The following PDLIM5 variants were observed in gnomAD, a reference collection of about 807,000 sequenced individuals.
PDLIM5 encodes the protein PDZ and LIM domain protein 5.
A neutral mutation model predicts 64.2 loss-of-function variants in PDLIM5; 34 were observed. The observed-to-expected ratio is 0.53, with a 90% confidence interval of 0.40 to 0.71. The LOEUF is 0.71. PDLIM5 is among the 30% of genes least tolerant of loss of function. PDLIM5 has a pLI of 0.00. For synonymous variants in PDLIM5, 253 were observed against 269.1 expected (o/e 0.94, Z 0.59); for missense variants, 683 against 733.6 (o/e 0.93, Z 0.80).
intron 1 of PDLIM5, among the ~76,000 whole-genome samples, chr4:94,452,852 C>A (rs1178799838): frequency 6.6e-6 from 1 of 152,198 alleles, no homozygotes; most frequent in African/African-American, 2.4e-5. Flanking sequence ...ATTTGGCCAA[C>A]AAGGCTAGGC....
chr4:94,544,855 C>A (rs1022584611), intron 3 of PDLIM5, among the ~76,000 whole-genome samples: 57 of 152,140 alleles, frequency 3.7e-4, no homozygotes, highest in African/African-American at 1.4e-3. Context: ...GCTTAGGTAA[C>A]CTCTGTTTTG....
chr4:94,633,859 T>C (rs1291056506), intron 8 of PDLIM5, among the ~76,000 whole-genome samples: 1 of 152,168 alleles, frequency 6.6e-6, no homozygotes, highest in Non-Finnish European at 1.5e-5. Flanking sequence ...CCAGGAAAGC[T>C]ACATTGATAA....
chr4:94,514,779 C>T (rs1190905892), intron 2 of PDLIM5, among the ~76,000 whole-genome samples: 1 of 152,042 alleles, frequency 6.6e-6, no homozygotes, highest in Non-Finnish European at 1.5e-5. Context: ...TTATATGTGT[C>T]TAGGAATTTG....
intron 3 of PDLIM5, among the ~76,000 whole-genome samples, chr4:94,525,283 G>C (rs1233968930): frequency 2.0e-5 from 3 of 152,078 alleles, no homozygotes; most frequent in Admixed American, 1.3e-4. Flanking sequence ...GATGGGTGTG[G>C]TGGTGCATGC....
chr4:94,473,920 A>T (rs1223922965), intron 2 of PDLIM5, among the ~76,000 whole-genome samples: 2 of 152,176 alleles, frequency 1.3e-5, no homozygotes, highest in Admixed American at 6.5e-5. Flanking sequence ...ATTTTTATGG[A>T]GTGGTGACTA....
intron 3 of PDLIM5, among the ~76,000 whole-genome samples, chr4:94,565,328 T>G (rs754672640): frequency 7.2e-5 from 11 of 152,202 alleles, no homozygotes; most frequent in Non-Finnish European, 1.5e-4. Flanking sequence ...AGTGATTAGG[T>G]ATATATGCAG....
At chr4:94,485,085 G>C (rs1197543044) in intron 2 of PDLIM5, among the ~76,000 whole-genome samples, 1 of 152,124 alleles carries the variant, frequency 6.6e-6, no homozygotes, top group Non-Finnish European at 1.5e-5. Context: ...GAGGTGTTGG[G>C]AAGGAAAGGA....
chr4:94,574,598 CT>C lies in PDLIM5; in HGVS notation c.292-1014del, dbSNP rs375789356. On this transcript the variant is annotated intron_variant, in intron 4 of 12. Coordinates refer to ENST00000317968, the MANE Select transcript of PDLIM5 (RefSeq NM_006457.5). ...TGATTTTTCAAAAATTTGATTTTTT[CT>C]TTTGATATGGTAGGGTGGAATAGGG... 4.8e-3 allele frequency among the ~76,000 whole-genome samples: 722 copies of C among 149,902 alleles called. 10 individuals are homozygous for C. The highest frequency in any genetic ancestry group is 0.017 in the African/African-American group (695 of 40,886).
chr4:94,533,420 A>C (rs1396218532), intron 3 of PDLIM5, among the ~76,000 whole-genome samples: 1 of 152,228 alleles, frequency 6.6e-6, no homozygotes, highest in African/African-American at 2.4e-5. Context: ...TTAAATCTTT[A>C]AAAATTTTTT....
chr4:94,456,916 G>T, intron 2 of PDLIM5: 1 of 1,007,550 alleles, frequency 9.9e-7, no homozygotes, highest in South Asian at 3.9e-5. Context: ...TAACTGTGCT[G>T]TGCGCTCACA....
chr4:94,661,173 G>T (rs1742679061), intron 11 of PDLIM5, among the ~76,000 whole-genome samples: 1 of 152,164 alleles, frequency 6.6e-6, no homozygotes, highest in Non-Finnish European at 1.5e-5. Context: ...GCAATCACTT[G>T]AGGTCATGAG....
intron 2 of PDLIM5, among the ~76,000 whole-genome samples, chr4:94,474,947 C>T (rs1316311159): frequency 6.6e-6 from 1 of 152,214 alleles, no homozygotes; most frequent in Non-Finnish European, 1.5e-5. Flanking sequence ...CCACTGAAGC[C>T]AGCTGACATT....
chr4:94,456,308 C>G (rs1206328986), intron 2 of PDLIM5: 1 of 532,074 alleles, frequency 1.9e-6, no homozygotes, highest in East Asian at 3.4e-5. Flanking sequence ...AAGCGATTCT[C>G]CTGCCTCAGC....
chr4:94,651,908 C>T (rs1226636322), intron 9 of PDLIM5, among the ~76,000 whole-genome samples: 2 of 152,120 alleles, frequency 1.3e-5, no homozygotes, highest in African/African-American at 2.4e-5. Context: ...CAACAAGCAC[C>T]GTTCATAAAA....
intron 7 of PDLIM5, among the ~76,000 whole-genome samples, chr4:94,608,835 A>G (rs1177762611): frequency 1.3e-5 from 2 of 152,138 alleles, no homozygotes; most frequent in Non-Finnish European, 2.9e-5. Flanking sequence ...TTTGACATTC[A>G]TGTTACCTAC....
At chr4:94,662,974 A>G (rs1560774623) in intron 12 of PDLIM5, among the ~76,000 whole-genome samples, 1 of 152,312 alleles carries the variant, frequency 6.6e-6, no homozygotes, top group East Asian at 1.9e-4. Flanking sequence ...TTTCTTAGCA[A>G]TAGCCCCTGG....
At chr4:94,593,372 G>A (rs1736821762) in intron 7 of PDLIM5, among the ~76,000 whole-genome samples, 1 of 152,204 alleles carries the variant, frequency 6.6e-6, no homozygotes, top group Non-Finnish European at 1.5e-5. Context: ...AGGTGGGACA[G>A]TAGAAACTTA....
chr4:94,661,296 A>G (rs1742692951), intron 11 of PDLIM5, among the ~76,000 whole-genome samples: 1 of 152,060 alleles, frequency 6.6e-6, no homozygotes. Context: ...CAGGAGACAG[A>G]GGCAGGAGGA....
At chr4:94,502,982 A>G (rs2110086249) in intron 2 of PDLIM5, among the ~76,000 whole-genome samples, 1 of 152,306 alleles carries the variant, frequency 6.6e-6, no homozygotes, top group South Asian at 2.1e-4. Context: ...GGTACTAGCC[A>G]TATATTTTGC....
Sources: gnomAD v4.1 joint callset for allele counts (sites outside exome capture counted in the v4.1 genomes callset) on GRCh38, gnomAD v4.1.1 for gene constraint, MANE v1.5 for transcripts, NCBI Gene and HGNC (gene_info 2026-07-23, HGNC 2026-07-21) for gene names.